The following ABCC4 variants were observed in gnomAD, a reference collection of about 807,000 sequenced individuals.
The protein encoded by ABCC4 is ATP binding cassette subfamily C member 4 (PEL blood group), also known as ATP-binding cassette sub-family C member 4.
In ABCC4, 102 loss-of-function variants were observed where a neutral mutation model predicts 168.5. The observed-to-expected ratio is 0.61, with a 90% CI of 0.52 to 0.71. ABCC4 has a LOEUF of 0.71. Ranked by LOEUF, ABCC4 falls within the 30% of genes least tolerant of loss-of-function variation. ABCC4 has a pLI of 0.00. For synonymous variants in ABCC4, 617 were observed against 590.7 expected (o/e 1.04, Z -0.65); for missense variants, 1,402 against 1,605.8 (o/e 0.87, Z 2.17).
At chr13:95,273,902 G>A (rs1269389284) in intron 1 of ABCC4, among the ~76,000 whole-genome samples, 3 of 143,952 alleles carry the variant, frequency 2.1e-5, no homozygotes, top group South Asian at 2.3e-4. Context: ...TGCAGGCTCC[G>A]CCCCCCGGGG....
At chr13:95,287,349 G>A (rs929695336) in intron 1 of ABCC4, among the ~76,000 whole-genome samples, 1 of 152,062 alleles carries the variant, frequency 6.6e-6, no homozygotes. Flanking sequence ...AGCACTTTGG[G>A]AGGCTAAGGT....
chr13:95,218,995 G>GAAAGGAAGGAAGGA (rs2039233583), intron 4 of ABCC4, among the ~76,000 whole-genome samples: 1 of 49,760 alleles, frequency 2.0e-5, no homozygotes, highest in African/African-American at 7.7e-5. Context: ...GAGTGAGAAA[G>GAAAGGAAGGAAGGA]AAAGAAAGAG....
intron 4 of ABCC4, among the ~76,000 whole-genome samples, chr13:95,225,626 T>C (rs888029290): frequency 1.3e-5 from 2 of 152,156 alleles, no homozygotes; most frequent in Non-Finnish European, 2.9e-5. Context: ...GCCAAGATCG[T>C]GCCACTGCAC....
At chr13:95,270,987 C>T (rs1258103150) in intron 1 of ABCC4, among the ~76,000 whole-genome samples, 1 of 152,052 alleles carries the variant, frequency 6.6e-6, no homozygotes, top group Non-Finnish European at 1.5e-5. Flanking sequence ...CCCAGCTACT[C>T]GGGAGGCTGA....
intron 21 of ABCC4, among the ~76,000 whole-genome samples, chr13:95,079,591 T>C (rs2034022394): frequency 6.6e-6 from 1 of 152,072 alleles, no homozygotes; most frequent in African/African-American, 2.4e-5. Context: ...TCCCAGCACT[T>C]TGGGAGGCTG....
chr13:95,254,051 G>A (rs1031589367), intron 1 of ABCC4, among the ~76,000 whole-genome samples: 2 of 151,950 alleles, frequency 1.3e-5, no homozygotes, highest in Non-Finnish European at 2.9e-5. Context: ...GTGCTACCAT[G>A]CCCGGCTATT....
At chr13:95,144,293 T>G (rs904738006) in intron 19 of ABCC4, among the ~76,000 whole-genome samples, 1 of 106,348 alleles carries the variant, frequency 9.4e-6, no homozygotes, top group African/African-American at 4.3e-5. Context: ...GCGACATAAC[T>G]TTAGAAAATG....
At chr13:95,188,221 C>T (rs892071761) in intron 10 of ABCC4, among the ~76,000 whole-genome samples, 4 of 152,184 alleles carry the variant, frequency 2.6e-5, no homozygotes, top group Admixed American at 2.6e-4. Flanking sequence ...TGTCCAACTT[C>T]TAGGAGTTCC....
At chr13:95,050,153 G>T (rs2032767201) in intron 27 of ABCC4, among the ~76,000 whole-genome samples, 1 of 152,192 alleles carries the variant, frequency 6.6e-6, no homozygotes. Context: ...CCCTTGTGTG[G>T]TATCTCTCAA....
At chr13:95,176,333 A>G (rs1387325596) in intron 13 of ABCC4, among the ~76,000 whole-genome samples, 1 of 150,646 alleles carries the variant, frequency 6.6e-6, no homozygotes, top group Admixed American at 6.6e-5. Context: ...CCTCTCTTCA[A>G]AAAAACACTG....
intron 19 of ABCC4, among the ~76,000 whole-genome samples, chr13:95,157,227 T>C (rs2036898910): frequency 6.6e-6 from 1 of 151,888 alleles, no homozygotes; most frequent in Non-Finnish European, 1.5e-5. Flanking sequence ...CAGAGCATGG[T>C]TGCCCCTCAG....
At chr13:95,211,156 CA>C (rs2038945431) in intron 4 of ABCC4, among the ~76,000 whole-genome samples, 1 of 152,192 alleles carries the variant, frequency 6.6e-6, no homozygotes, top group East Asian at 1.9e-4. Context: ...AAATCCGTAC[CA>C]ATCACTAATT....
intron 22 of ABCC4, 23 bp downstream of exon 22, chr13:95,075,409 A>T: frequency 1.2e-6 from 2 of 1,613,810 alleles, no homozygotes; most frequent in Non-Finnish European, 1.7e-6. Flanking sequence ...GTCCTTTGAA[A>T]CCATTTCCAG....
chr13:95,112,861 T>C (rs957235693), intron 20 of ABCC4, among the ~76,000 whole-genome samples: 3 of 152,114 alleles, frequency 2.0e-5, no homozygotes, highest in Non-Finnish European at 4.4e-5. Flanking sequence ...TTATTACCCA[T>C]AGAACCTGAT....
chr13:95,258,116 A>C (rs967531295), intron 1 of ABCC4, among the ~76,000 whole-genome samples: 1 of 152,184 alleles, frequency 6.6e-6, no homozygotes, highest in Non-Finnish European at 1.5e-5. Flanking sequence ...ACTGTGGCCC[A>C]AGGCACCATG....
rs951059390 is a variant in ABCC4, at chr13:95,120,427, C to T, written c.2456-4426G>A. ...TAAAACTACAAAATACTTAGGTGGG[C>T]GTGGTGGTGGGCGCCTTTAATCCCA... On this transcript the variant is annotated intron_variant, in intron 19 of 30. Transcript: ENST00000645237. Among the ~76,000 whole-genome samples, 5 of 151,732 alleles carry T rather than the reference C, an allele frequency of 3.3e-5. No individual in the cohort carries two copies. The East Asian group carries it at 5.8e-4, about 18-fold the overall frequency.
intron 30 of ABCC4, among the ~76,000 whole-genome samples, chr13:95,027,923 C>T (rs1437295148): frequency 6.6e-6 from 1 of 152,142 alleles, no homozygotes; most frequent in Non-Finnish European, 1.5e-5. Context: ...AACCTAACCA[C>T]GCCATATACA....
At chr13:95,027,273 T>G (rs1177650360) in intron 30 of ABCC4, among the ~76,000 whole-genome samples, 1 of 152,106 alleles carries the variant, frequency 6.6e-6, no homozygotes, top group East Asian at 1.9e-4. Flanking sequence ...TTTTTTAAAC[T>G]GCCACCCACA....
chr13:95,070,816 C>T (rs1307421533), intron 25 of ABCC4, among the ~76,000 whole-genome samples: 1 of 152,090 alleles, frequency 6.6e-6, no homozygotes, highest in Admixed American at 6.5e-5. Flanking sequence ...CAAACTGTTT[C>T]AGAAAGAAAG....
Sources: allele counts gnomAD v4.1 joint callset (sites outside exome capture counted in the v4.1 genomes callset), GRCh38; gene constraint gnomAD v4.1.1; transcripts MANE v1.5; gene names NCBI Gene and HGNC (gene_info 2026-07-23, HGNC 2026-07-21).